The following CEP192 variants were observed in gnomAD, a reference collection of about 807,000 sequenced individuals.
CEP192 encodes the protein centrosomal protein of 192 kDa.
Under a neutral mutation model 271.8 loss-of-function variants are expected in CEP192, and 151 were observed. That is an observed-to-expected ratio of 0.56 (90% CI 0.49 to 0.64). The LOEUF (loss-of-function observed/expected upper bound fraction) is 0.64, where lower values mean the gene tolerates loss of function less well. Among genes scored for constraint, CEP192 ranks in the 30% least tolerant of loss-of-function variants. The pLI is 0.00. For missense variants in CEP192, 2,910 were observed against 3,020.5 expected, an observed-to-expected ratio of 0.96 and a Z score of 0.86; for synonymous variants, 995 against 1,076.5, an observed-to-expected ratio of 0.92 and a Z score of 1.48.
chr18:13,022,995 AG>A (rs1219116717), intron 9 of CEP192, among the ~76,000 whole-genome samples: 2 of 152,168 alleles, frequency 1.3e-5, no homozygotes, highest in African/African-American at 4.8e-5. Context: ...GTTCATTGCT[AG>A]TGTATAGGAA....
chr18:13,098,623 G>A, intron 36 of CEP192, among the ~76,000 whole-genome samples: 1 of 152,118 alleles, frequency 6.6e-6, no homozygotes, highest in African/African-American at 2.4e-5. Flanking sequence ...AGATGGGATG[G>A]CGGCCGGGAA....
chr18:13,088,508 T>A (rs1271466171), intron 32 of CEP192, among the ~76,000 whole-genome samples: 1 of 152,140 alleles, frequency 6.6e-6, no homozygotes, highest in African/African-American at 2.4e-5. Flanking sequence ...GTTGGAAAAT[T>A]TAGGATGTTG....
At position 13,068,852 on chromosome 18, in the gene CEP192, A is replaced by G. The variant is rs2037855313; in HGVS notation, c.4823A>G (p.Asp1608Gly). 2.5e-6 allele frequency: 4 copies of G among 1,613,950 alleles called. No individual in the cohort carries two copies. The highest frequency in any genetic ancestry group is 1.7e-5 in the Admixed American group (1 of 59,990). Residue 1608 changes from aspartate to glycine, a missense_variant and splice_region_variant, in exon 25 of 45, where the codon GAT (aspartate) becomes GGT (glycine). By Grantham distance (94) the Asp-to-Gly change is moderately conservative. Coordinates refer to ENST00000506447, the MANE Select transcript of CEP192 (RefSeq NM_032142.4). ...GCTAAAAGAATGAACTTTTTTTTAG[A>G]TATTCTGGACTCAGCAGAAGAATTC... ...HSPKKQISSS[D>G]ILDSAEEFSA... is the part of the protein sequence containing the mutation.
At chr18:13,112,217 A>G (rs2040239718) in intron 40 of CEP192, among the ~76,000 whole-genome samples, 2 of 152,272 alleles carry the variant, frequency 1.3e-5, no homozygotes, top group African/African-American at 4.8e-5. Flanking sequence ...AAAAGTGGGA[A>G]TCACCCAAAT....
At chr18:13,006,045 A>G (rs2033958845) in intron 3 of CEP192, among the ~76,000 whole-genome samples, 13 of 151,996 alleles carry the variant, frequency 8.6e-5, no homozygotes, top group Admixed American at 8.5e-4. Context: ...TCTAATTGGC[A>G]TTGGTTTGGA....
chr18:13,017,113 G>A (rs552571487), intron 6 of CEP192, 75 bp from the exon 7 acceptor site: 6 of 1,185,226 alleles, frequency 5.1e-6, no homozygotes, highest in Non-Finnish European at 6.9e-6. Flanking sequence ...ATGTCTTATC[G>A]GCCTTTTTAA....
In CEP192 at chr18:13,037,158, A is replaced by T. The variant is rs1205591586; in HGVS notation, c.1535-79A>T. On this transcript the variant is annotated intron_variant, in intron 11 of 44. Transcript: ENST00000506447. Reference sequence around the variant, plus strand: ...TACAACTTTATTTCCTTAGTATTTCATTTTCCTAACTTGTATCTGTGTGCT... The same window carrying T: ...TACAACTTTATTTCCTTAGTATTTCTTTTTCCTAACTTGTATCTGTGTGCT... The T allele has an allele frequency of 1.6e-5, 11 of 676,750 alleles. No homozygotes were observed. In the East Asian group the frequency reaches 2.8e-4, roughly 17 times the overall value. 41.9% of individuals were successfully genotyped at this position (676,750 alleles called of 1,614,324 possible).
At chr18:13,048,198 A>G (rs1379885536) in intron 15 of CEP192, among the ~76,000 whole-genome samples, 1 of 152,176 alleles carries the variant, frequency 6.6e-6, no homozygotes, top group Non-Finnish European at 1.5e-5. Flanking sequence ...AATAGTTCAT[A>G]AGTTTTAAAT....
rs1304500318 is a variant in CEP192, at chr18:13,029,953, T to A, written c.1341T>A (p.Cys447Ter). Reference sequence around the variant, plus strand: ...CTGATGCCATTTGGTCACCAACTTGTGAAAGGCGAACATGTGAATGTCACG... The same window carrying A: ...CTGATGCCATTTGGTCACCAACTTGAGAAAGGCGAACATGTGAATGTCACG... ...NFTDAIWSPT[C>*]ERRTCECHES... The change falls in exon 10 of 45, where the codon TGT (cysteine) becomes TGA (stop). Residue 447 changes from cysteine (C) to a stop codon, truncating the protein, a stop_gained. Transcript: ENST00000506447. LOFTEE classifies it high-confidence loss of function. 6 of 1,551,578 alleles carry A rather than the reference T, an allele frequency of 3.9e-6. No homozygotes were observed. Among genetic ancestry groups the A allele is most frequent in the Non-Finnish European group, 5.2e-6 (6 of 1,146,870 alleles).
intron 44 of CEP192, among the ~76,000 whole-genome samples, chr18:13,120,599 T>C (rs1214557988): frequency 1.3e-5 from 2 of 152,368 alleles, no homozygotes; most frequent in Non-Finnish European, 2.9e-5. Flanking sequence ...TAGTTTATAC[T>C]CTGAACATAT....
chr18:13,103,561 G>C lies in CEP192; in HGVS notation c.6924G>C (p.Leu2308=). ...NHGTTDVKWH[L]SSLAPPYVKG... ...GCACCACAGACGTGAAATGGCATCT[G>C]TCATCTTTAGCGCCACCTTATGTCA... Residue 2308 remains leucine (L), a synonymous_variant, in exon 39 of 45, where the codon CTG becomes CTC. Coordinates refer to ENST00000506447, the MANE Select transcript of CEP192 (RefSeq NM_032142.4). The C allele has an allele frequency of 6.2e-7, 1 of 1,613,906 alleles. No individual in the cohort carries two copies. Among genetic ancestry groups the C allele is most frequent in the Non-Finnish European group, 8.5e-7 (1 of 1,179,848 alleles).
chr18:13,069,818 T>A lies in CEP192; in HGVS notation c.5136T>A (p.Val1712=). ...CTGGAGAAGAACATGAGGTTATTGTTTCATTTACTCCAAAGGATCCTGAAG... is the reference window on the plus strand; with the variant it reads ...CTGGAGAAGAACATGAGGTTATTGTATCATTTACTCCAAAGGATCCTGAAG... ...LKPGEEHEVI[V]SFTPKDPEAC... is the part of the protein sequence containing the mutation. The change falls in exon 27 of 45, where the codon GTT becomes GTA. Residue 1712 remains valine, a synonymous_variant. Transcript: ENST00000506447. 1 of 1,603,334 alleles carries A rather than the reference T, an allele frequency of 6.2e-7. No individual in the cohort carries two copies. Among genetic ancestry groups the A allele is most frequent in the Non-Finnish European group, 8.5e-7 (1 of 1,170,446 alleles).
intron 9 of CEP192, among the ~76,000 whole-genome samples, chr18:13,021,510 A>G (rs187312289): frequency 2.0e-4 from 31 of 152,258 alleles, no homozygotes; most frequent in Admixed American, 5.2e-4. Flanking sequence ...TTTAATCACT[A>G]TATCTTTGTA....
intron 40 of CEP192, among the ~76,000 whole-genome samples, chr18:13,112,065 G>T (rs2040234254): frequency 6.6e-6 from 1 of 152,186 alleles, no homozygotes; most frequent in Admixed American, 6.5e-5. Flanking sequence ...AAATAATTTG[G>T]CAGTTTCTCA....
chr18:13,079,300 G>A (rs1279604613), intron 30 of CEP192, among the ~76,000 whole-genome samples: 2 of 152,182 alleles, frequency 1.3e-5, no homozygotes, highest in African/African-American at 4.8e-5. Flanking sequence ...AGCACCTGTT[G>A]TTTCCTGACT....
chr18:13,101,131 G>A, intron 38 of CEP192, among the ~76,000 whole-genome samples: 1 of 152,152 alleles, frequency 6.6e-6, no homozygotes, highest in East Asian at 1.9e-4. Flanking sequence ...GTGATTCTGG[G>A]CGGCGGCAGC....
chr18:13,035,515 C>T (rs961996994), intron 11 of CEP192, among the ~76,000 whole-genome samples: 6 of 152,108 alleles, frequency 3.9e-5, no homozygotes, highest in Non-Finnish European at 8.8e-5. Context: ...TGGGAAAGAC[C>T]GGCCTCCATG....
At position 13,046,652 on chromosome 18, in the gene CEP192, T is replaced by C. The variant is rs556998929; in HGVS notation, c.2068-2207T>C. Reference sequence around the variant, plus strand: ...AAAATTCTTTGTTTTCTTTTAAATGTCTTATTTGGCATTCCAAGGATCACA... The same window carrying C: ...AAAATTCTTTGTTTTCTTTTAAATGCCTTATTTGGCATTCCAAGGATCACA... On this transcript the variant is annotated intron_variant, in intron 15 of 44. Transcript: ENST00000506447. 9.2e-4 allele frequency among the ~76,000 whole-genome samples: 140 copies of C among 152,138 alleles called. 2 individuals are homozygous for C. The South Asian group carries it at 0.026, about 29-fold the overall frequency.
intron 11 of CEP192, among the ~76,000 whole-genome samples, chr18:13,032,728 A>C (rs1229580568): frequency 6.6e-6 from 1 of 152,180 alleles, no homozygotes. Context: ...ATCAGCCCCA[A>C]ATTCTCAAAT....
Sources: allele counts gnomAD v4.1 joint callset (sites outside exome capture counted in the v4.1 genomes callset), GRCh38; gene constraint gnomAD v4.1.1; transcripts MANE v1.5; gene names NCBI Gene and HGNC (gene_info 2026-07-23, HGNC 2026-07-21).